Variants in GPHN observed in about 807,000 individuals in gnomAD.
The protein encoded by GPHN is gephyrin.
A neutral mutation model predicts 95.5 loss-of-function variants in GPHN; 17 were observed. The observed-to-expected ratio is 0.18, with a 90% CI of 0.12 to 0.27. The LOEUF is 0.27. GPHN is among the 10% of genes least tolerant of loss of function. The pLI, the probability that GPHN is intolerant of heterozygous loss-of-function variation, is 1.00. For synonymous variants in GPHN, 320 were observed against 322.5 expected (o/e 0.99, Z 0.08); for missense variants, 660 against 978.1 (o/e 0.67, Z 4.34).
At chr14:66,734,980 A>T (rs59620098) in intron 2 of GPHN, among the ~76,000 whole-genome samples, 47,298 of 152,096 alleles carry the variant, frequency 0.31, 11,177 homozygotes, top group African/African-American at 0.64. Flanking sequence ...CAAGCTGTCT[A>T]GCTTAAAGGA....
At chr14:67,323,232 C>CAT in the GPHN span, among the ~76,000 whole-genome samples, 12,252 of 143,600 alleles carry the variant, frequency 0.085, 1,199 homozygotes, top group African/African-American at 0.24. Context: ...CATATATACA[C>CAT]GTGTGTGTGT....
the GPHN span, chr14:67,692,736 T>A: frequency 1.0e-6 from 1 of 964,580 alleles, no homozygotes; most frequent in Non-Finnish European, 1.5e-6. Flanking sequence ...AGCAAATAGG[T>A]AAAGAAAAAT....
chr14:67,255,711 C>T, the GPHN span, among the ~76,000 whole-genome samples: 3 of 152,160 alleles, frequency 2.0e-5, no homozygotes, highest in Admixed American at 1.3e-4. Flanking sequence ...GATGGAGTCT[C>T]GCTCTGTTGC....
chr14:67,006,945 A>G (rs1056573190), intron 9 of GPHN, among the ~76,000 whole-genome samples: 2 of 152,226 alleles, frequency 1.3e-5, no homozygotes, highest in Non-Finnish European at 2.9e-5. Flanking sequence ...CAGCCTCATC[A>G]TCCAGCATAA....
rs577803031 is a variant in GPHN, at chr14:67,118,729, C to G, written c.1627-3527C>G. Among the ~76,000 whole-genome samples, 1,014 of 150,326 alleles carry G rather than the reference C, an allele frequency of 6.7e-3. 8 individuals carry two copies. The highest frequency in any genetic ancestry group is 0.01 in the Admixed American group (154 of 15,134). On this transcript the variant is annotated intron_variant, in intron 16 of 22. Coordinates refer to ENST00000478722, the MANE Select transcript of GPHN (RefSeq NM_020806.5). ...CCAGGGCGACAGAGCGAGACTCCGT[C>G]TCAAAAAAAAAAAAAGATTCATCCC...
chr14:66,683,971 G>A (rs1438248338), intron 2 of GPHN, among the ~76,000 whole-genome samples: 5 of 144,688 alleles, frequency 3.5e-5, no homozygotes, highest in South Asian at 2.2e-4. Context: ...GCAAGACTCC[G>A]TCTCAAAAAA....
chr14:67,469,293 A>G, the GPHN span, among the ~76,000 whole-genome samples: 1 of 152,090 alleles, frequency 6.6e-6, no homozygotes, highest in African/African-American at 2.4e-5. Context: ...GAAATTACTG[A>G]GCAACTTCAA....
chr14:67,325,661 CAG>C, the GPHN span, among the ~76,000 whole-genome samples: 2 of 152,112 alleles, frequency 1.3e-5, no homozygotes, highest in African/African-American at 2.4e-5. Context: ...CACTAAGGAC[CAG>C]AGTGTACTCC....
intron 2 of GPHN, among the ~76,000 whole-genome samples, chr14:66,734,786 TC>T (rs1220216738): frequency 6.6e-6 from 1 of 152,182 alleles, no homozygotes. Context: ...AAAACCATAA[TC>T]CGTATTCACT....
chr14:67,593,867 G>C, the GPHN span: 3 of 1,612,702 alleles, frequency 1.9e-6, no homozygotes, highest in Non-Finnish European at 2.5e-6. Flanking sequence ...GATTAACAGA[G>C]TCTCCTGATC....
intron 8 of GPHN, among the ~76,000 whole-genome samples, chr14:66,939,858 G>C (rs552734853): frequency 1.3e-5 from 2 of 152,080 alleles, no homozygotes; most frequent in African/African-American, 4.8e-5. Flanking sequence ...AGGGACCATC[G>C]GCCAAGCCTC....
At chr14:66,525,658 T>A (rs2058661942) in intron 1 of GPHN, among the ~76,000 whole-genome samples, 1 of 152,200 alleles carries the variant, frequency 6.6e-6, no homozygotes, top group Non-Finnish European at 1.5e-5. Context: ...CTGTCTTGAG[T>A]TAATTTTTGT....
the GPHN span, among the ~76,000 whole-genome samples, chr14:67,250,169 TTTCATTTAAAA>T: frequency 6.6e-6 from 1 of 152,184 alleles, no homozygotes; most frequent in Non-Finnish European, 1.5e-5. Context: ...GTGTTCATAA[TTTCATTTAAAA>T]TTCAGCCACC....
chr14:66,858,295 A>G (rs2062880753), intron 4 of GPHN, among the ~76,000 whole-genome samples: 1 of 151,704 alleles, frequency 6.6e-6, no homozygotes, highest in Non-Finnish European at 1.5e-5. Flanking sequence ...GGAACAGTAA[A>G]GGGGACTTTG....
the GPHN span, among the ~76,000 whole-genome samples, chr14:67,559,958 C>T: frequency 1.3e-5 from 2 of 152,158 alleles, no homozygotes; most frequent in Non-Finnish European, 2.9e-5. Flanking sequence ...TGAAAAGCCC[C>T]CTCAGTTTCT....
chr14:67,238,457 A>G, the GPHN span, among the ~76,000 whole-genome samples: 5 of 151,388 alleles, frequency 3.3e-5, no homozygotes, highest in East Asian at 9.7e-4. Context: ...TTTTGTAGAG[A>G]CGGGGTCTCC....
At chr14:66,840,368 G>A (rs544385635) in intron 4 of GPHN, among the ~76,000 whole-genome samples, 2 of 152,034 alleles carry the variant, frequency 1.3e-5, no homozygotes, top group African/African-American at 2.4e-5. Context: ...GACAATAGTA[G>A]CAGCAATATT....
At chr14:67,598,395 A>G in the GPHN span, among the ~76,000 whole-genome samples, 7 of 152,216 alleles carry the variant, frequency 4.6e-5, no homozygotes, top group African/African-American at 1.4e-4. Context: ...AATGGTATAA[A>G]GGAAAAGAAA....
intron 2 of GPHN, among the ~76,000 whole-genome samples, chr14:66,766,099 T>A (rs542459975): frequency 6.6e-6 from 1 of 152,130 alleles, no homozygotes; most frequent in Non-Finnish European, 1.5e-5. Flanking sequence ...TACCCTAACT[T>A]TTTCCCTGAG....
Sources: allele counts gnomAD v4.1 joint callset (sites outside exome capture counted in the v4.1 genomes callset), GRCh38; gene constraint gnomAD v4.1.1; transcripts MANE v1.5; gene names NCBI Gene and HGNC (gene_info 2026-07-23, HGNC 2026-07-21).